Variants in SKOR1 observed in about 807,000 individuals in gnomAD.
The protein encoded by SKOR1 is SKI family transcriptional corepressor 1.
SKOR1 carries 38 observed loss-of-function variants against 72.4 expected under a neutral mutation model. That is an observed-to-expected ratio of 0.52 (90% CI 0.40 to 0.69). SKOR1 has a LOEUF of 0.69. Among genes scored for constraint, SKOR1 ranks in the 30% least tolerant of loss-of-function variants. The pLI is 0.00. For missense variants in SKOR1, 1,320 were observed against 1,343.2 expected (o/e 0.98, Z 0.27); for synonymous variants, 642 against 599.4 (o/e 1.07, Z -1.04).
rs1257077275 is a variant in SKOR1, at chr15:67,827,688, T to C, written c.1860T>C (p.Pro620=). 1.4e-5 allele frequency: 22 copies of C among 1,535,372 alleles called. No homozygotes were observed. The Admixed American group carries it at 2.0e-4, about 14-fold the overall frequency. ...GSAREAYGAG[P]ARGPGPGAGS... Reference sequence around the variant, plus strand: ...CCCGGGAGGCGTACGGCGCGGGGCCTGCTCGGGGGCCGGGACCCGGCGCTG... The same window carrying C: ...CCCGGGAGGCGTACGGCGCGGGGCCCGCTCGGGGGCCGGGACCCGGCGCTG... The change falls in exon 2 of 9, where the codon CCT becomes CCC. Residue 620 remains proline (P), a synonymous_variant. Transcript: ENST00000380035.
At chr15:67,831,911 G>A (rs1305963895) in intron 5 of SKOR1, among the ~76,000 whole-genome samples, 2 of 146,894 alleles carry the variant, frequency 1.4e-5, no homozygotes, top group Non-Finnish European at 3.0e-5. Context: ...TGCGGGGGGG[G>A]GAGGTCGGGG....
Position 67,826,653 on chromosome 15 carries a change from G to A in SKOR1, c.825G>A (p.Thr275=), listed in dbSNP as rs748587604. ...TCAAGGCCATGTTTAATGGCGGCAC[G>A]CGCAAGCGGACCTTCTCCCTACAAG... ...EDVKAMFNGG[T]RKRTFSLQGG... The change falls in exon 2 of 9, where the codon ACG becomes ACA. Residue 275 remains threonine (T), a synonymous_variant. Transcript: ENST00000380035. The A allele has an allele frequency of 1.9e-6, 3 of 1,607,038 alleles. No individual in the cohort carries two copies. In the Admixed American group the frequency reaches 5.1e-5, roughly 27 times the overall value.
At position 67,826,776 on chromosome 15, in the gene SKOR1, G is replaced by T. The variant is rs1463649520; in HGVS notation, c.948G>T (p.Met316Ile). Residue 316 changes from methionine to isoleucine, a missense_variant, in exon 2 of 9, where the codon ATG (methionine) becomes ATT (isoleucine). By Grantham distance (10) the Met-to-Ile change is conservative. Transcript: ENST00000380035. Reference sequence around the variant, plus strand: ...GTGGCCCAGGGTGCGGTGCAGAGATGGCCCCAGGCCCGCCGCCCCACAAAA... The same window carrying T: ...GTGGCCCAGGGTGCGGTGCAGAGATTGCCCCAGGCCCGCCGCCCCACAAAA... ...GGGGPGCGAE[M>I]APGPPPHKSL... 3 of 1,532,238 alleles carry T rather than the reference G, an allele frequency of 2.0e-6. No individual in the cohort carries two copies. The highest frequency in any genetic ancestry group is 2.4e-5 in the South Asian group (2 of 83,958). The allele number at this position is 1,532,238 out of a possible 1,614,324, so 94.9% of individuals were successfully genotyped here. A position where few individuals can be genotyped will look rare whatever the true frequency, so the allele number is the denominator to read the frequency against.
rs2090961225 is a variant in SKOR1 at position 67,826,710 on chromosome 15, G to C, written c.882G>C (p.Ser294=). 3 of 1,547,904 alleles carry C rather than the reference G, an allele frequency of 1.9e-6. No homozygotes were observed. Among genetic ancestry groups the C allele is most frequent in the African/African-American group, 1.4e-5 (1 of 73,274 alleles). Residue 294 remains serine (S), a synonymous_variant, in exon 2 of 9, where the codon TCG becomes TCC. Coordinates refer to ENST00000380035, the MANE Select transcript of SKOR1 (RefSeq NM_001365915.1). The part of the protein sequence containing the change: ...GGGGGGANGG[S]GGQGKGGAGG... ...GCGGAGGCGGTGCCAATGGCGGGTC[G>C]GGTGGGCAGGGGAAGGGTGGTGCTG... is the stretch of plus-strand genomic sequence containing the variant.
At position 67,827,724 on chromosome 15, in the gene SKOR1, C is replaced by A. The variant is rs1302670620; in HGVS notation, c.1896C>A (p.Gly632=). ...CGGGACCCGGCGCTGGGAGCGGCGGCTACGTGAGCCCGGACTTTCTGAGCG... is the reference window on the plus strand; with the variant it reads ...CGGGACCCGGCGCTGGGAGCGGCGGATACGTGAGCCCGGACTTTCTGAGCG... ...RGPGPGAGSG[G]YVSPDFLSEG... The change falls in exon 2 of 9, where the codon GGC becomes GGA. Residue 632 remains glycine (G), a synonymous_variant. Transcript: ENST00000380035. 6.5e-7 allele frequency: 1 copy of A among 1,544,246 alleles called. No individual in the cohort carries two copies. Among genetic ancestry groups the A allele is most frequent in the South Asian group, 1.2e-5 (1 of 83,670 alleles).
At position 67,826,861 on chromosome 15, in the gene SKOR1, C is replaced by A; in HGVS notation, c.1033C>A (p.Gln345Lys). The A allele has an allele frequency of 6.5e-7, 1 of 1,530,844 alleles. No individual in the cohort carries two copies. The highest frequency in any genetic ancestry group is 8.8e-7 in the Non-Finnish European group (1 of 1,142,652). 94.8% of individuals were successfully genotyped at this position (1,530,844 alleles called of 1,614,324 possible). ...TCCGGGGCCACCTCCACCCCACCCG[C>A]AGCGCGGACTTGGCCTGGCGACTGG... ...GPPGPPPPHP[Q>K]RGLGLATGAS... The change falls in exon 2 of 9, where the codon CAG becomes AAG. Residue 345 changes from glutamine to lysine, a missense_variant. Physicochemically the swap from Gln to Lys is moderately conservative, Grantham distance 53. Transcript: ENST00000380035.
In SKOR1 at chr15:67,827,956, A is replaced by C. The variant is rs2090977896; in HGVS notation, c.2128A>C (p.Asn710His). The C allele has an allele frequency of 6.4e-7, 1 of 1,561,652 alleles. No individual in the cohort carries two copies. The highest frequency in any genetic ancestry group is 8.7e-7 in the Non-Finnish European group (1 of 1,155,984). ...ATSSGADGPA[N>H]SPDGGSPRPR... ...CTCCTCTGGCGCGGACGGTCCCGCA[A>C]ACTCTCCCGACGGCGGCAGCCCCCG... Residue 710 changes from asparagine to histidine, a missense_variant, in exon 2 of 9, where the codon AAC becomes CAC. Asn to His is a moderately conservative substitution (Grantham distance 68). Coordinates refer to ENST00000380035, the MANE Select transcript of SKOR1 (RefSeq NM_001365915.1).
Position 67,827,714 on chromosome 15 carries a change from G to A in SKOR1, c.1886G>A (p.Gly629Glu). ...GCTCGGGGGCCGGGACCCGGCGCTG[G>A]GAGCGGCGGCTACGTGAGCCCGGAC... The part of the protein sequence containing the change: ...GPARGPGPGA[G>E]SGGYVSPDFL... Residue 629 changes from glycine to glutamate, a missense_variant, in exon 2 of 9, where the codon GGG (glycine) becomes GAG (glutamate). Gly to Glu is a moderately conservative substitution (Grantham distance 98). Around this residue, in one of 3 missense-constraint regions of SKOR1, gnomAD observed 1,099 missense variants for 1,025.5 expected, o/e 1.07. Transcript: ENST00000380035. The A allele has an allele frequency of 1.9e-6, 3 of 1,542,298 alleles. No homozygotes were observed. In the South Asian group the frequency reaches 3.6e-5, roughly 18 times the overall value.
rs1378126749 is a variant in SKOR1 at position 67,827,704 on chromosome 15, C to A, written c.1876C>A (p.Pro626Thr). The A allele has an allele frequency of 1.3e-6, 2 of 1,539,644 alleles. No homozygotes were observed. The highest frequency in any genetic ancestry group is 2.5e-5 in the East Asian group (1 of 40,704). Residue 626 changes from proline to threonine, a missense_variant, in exon 2 of 9, where the codon CCC becomes ACC. By Grantham distance (38) the Pro-to-Thr change is conservative. Coordinates refer to ENST00000380035, the MANE Select transcript of SKOR1 (RefSeq NM_001365915.1). The part of the protein sequence containing the change: ...YGAGPARGPG[P>T]GAGSGGYVSP... ...CGCGGGGCCTGCTCGGGGGCCGGGA[C>A]CCGGCGCTGGGAGCGGCGGCTACGT...
chr15:67,828,036 G>A lies in SKOR1; in HGVS notation c.2208G>A (p.Leu736=), dbSNP rs1247381937. ...CTGGCCGGCCCGCATTTGGGGACTT[G>A]GCAGCCGAAGACTTGGTGCGGAGAC... The part of the protein sequence containing the change: ...PPAGRPAFGD[L]AAEDLVRRPE... Residue 736 remains leucine (L), a synonymous_variant, in exon 2 of 9, where the codon TTG becomes TTA. Coordinates refer to ENST00000380035, the MANE Select transcript of SKOR1 (RefSeq NM_001365915.1). 3.9e-6 allele frequency: 6 copies of A among 1,539,458 alleles called. No individual in the cohort carries two copies. The highest frequency in any genetic ancestry group is 5.2e-6 in the Non-Finnish European group (6 of 1,144,928).
At position 67,827,832 on chromosome 15, in the gene SKOR1, C is replaced by T. The variant is rs751554995; in HGVS notation, c.2004C>T (p.Phe668=). The change falls in exon 2 of 9, where the codon TTC becomes TTT. Residue 668 remains phenylalanine, a synonymous_variant. Transcript: ENST00000380035. ...AGGTGGACGTGGAATCCAACCGCTT[C>T]CCCGACGACGAGGACGCCCAAGAGG... ...EPEVDVESNR[F]PDDEDAQEET... 5.6e-6 allele frequency: 9 copies of T among 1,594,006 alleles called. No homozygotes were observed. The East Asian group carries it at 1.6e-4, about 28-fold the overall frequency.
intron 3 of SKOR1, 26 bp downstream of exon 3, chr15:67,829,295 A>C: frequency 6.5e-7 from 1 of 1,527,772 alleles, no homozygotes; most frequent in South Asian, 1.2e-5. Flanking sequence ...GCCGCTGGCC[A>C]CTGTAATGGG....
At chr15:67,830,346 G>A in intron 4 of SKOR1, 48 bp downstream of exon 4, 1 of 1,575,854 alleles carries the variant, frequency 6.3e-7, no homozygotes. Context: ...CCAGGAGCTG[G>A]GACCCAGGTC....
rs1480904356 is a variant in SKOR1, at chr15:67,833,986, C to T, written c.*150C>T. ...CCGCCCGCCTTCCTCCCGGGCTCCC[C>T]GGCCTTGCCCGCCCCCTCCCGGGCG... On this transcript the variant is annotated 3_prime_UTR_variant, in exon 9 of 9. Coordinates refer to ENST00000380035, the MANE Select transcript of SKOR1 (RefSeq NM_001365915.1). This position sits in a 1 kb window ranked among gnomAD's most constrained non-coding sequence, Gnocchi z 6.0. 9.4e-6 allele frequency: 8 copies of T among 850,840 alleles called. No homozygotes were observed. The highest frequency in any genetic ancestry group is 4.4e-5 in the South Asian group (3 of 67,916). The allele number at this position is 850,840 out of a possible 1,614,324, so 52.7% of individuals were successfully genotyped here. A position where few individuals can be genotyped will look rare whatever the true frequency, so the allele number is the denominator to read the frequency against.
At position 67,827,702 on chromosome 15, in the gene SKOR1, G is replaced by C. The variant is rs1192450173; in HGVS notation, c.1874G>C (p.Gly625Ala). 25 of 1,539,640 alleles carry C rather than the reference G, an allele frequency of 1.6e-5. No individual in the cohort carries two copies. In the East Asian group the frequency reaches 5.9e-4, roughly 36 times the overall value. ...GGCGCGGGGCCTGCTCGGGGGCCGG[G>C]ACCCGGCGCTGGGAGCGGCGGCTAC... ...AYGAGPARGPGPGAGSGGYVS... is the reference protein window; with the variant it reads ...AYGAGPARGPAPGAGSGGYVS... The change falls in exon 2 of 9, where the codon GGA (glycine) becomes GCA (alanine). Residue 625 changes from glycine to alanine, a missense_variant. Physicochemically the swap from Gly to Ala is moderately conservative, Grantham distance 60 (BLOSUM62 0). Around this residue, in one of 3 missense-constraint regions of SKOR1, gnomAD observed 1,099 missense variants for 1,025.5 expected, o/e 1.07. Transcript: ENST00000380035.
Position 67,827,398 on chromosome 15 carries a change from G to A in SKOR1, c.1570G>A (p.Ala524Thr). ...AGCCGTGGCGGCGGCAGCGGCGGCGGCAGCGGCAGCTGCTGGCAGCGGTGC... is the reference window on the plus strand; with the variant it reads ...AGCCGTGGCGGCGGCAGCGGCGGCGACAGCGGCAGCTGCTGGCAGCGGTGC... The part of the protein sequence containing the change: ...AAAVAAAAAA[A>T]AAAAGSGAPE... The change falls in exon 2 of 9, where the codon GCA becomes ACA. Residue 524 changes from alanine to threonine, a missense_variant. By Grantham distance (58) the Ala-to-Thr change is moderately conservative (BLOSUM62 0). Coordinates refer to ENST00000380035, the MANE Select transcript of SKOR1 (RefSeq NM_001365915.1). 1 of 1,536,010 alleles carries A rather than the reference G, an allele frequency of 6.5e-7. No homozygotes were observed. Among genetic ancestry groups the A allele is most frequent in the Non-Finnish European group, 8.7e-7 (1 of 1,149,274 alleles).
At chr15:67,831,293 A>G (rs1457456907) in intron 5 of SKOR1, among the ~76,000 whole-genome samples, 1 of 152,246 alleles carries the variant, frequency 6.6e-6, no homozygotes, top group Admixed American at 6.5e-5. Context: ...GCAGGAAAGC[A>G]TTTATTTTAG....
rs1420573704 is a variant in SKOR1, at chr15:67,827,715, G to A, written c.1887G>A (p.Gly629=). ...GPARGPGPGA[G]SGGYVSPDFL... ...CTCGGGGGCCGGGACCCGGCGCTGGGAGCGGCGGCTACGTGAGCCCGGACT... is the reference window on the plus strand; with the variant it reads ...CTCGGGGGCCGGGACCCGGCGCTGGAAGCGGCGGCTACGTGAGCCCGGACT... The change falls in exon 2 of 9, where the codon GGG becomes GGA. Residue 629 remains glycine, a synonymous_variant. Coordinates refer to ENST00000380035, the MANE Select transcript of SKOR1 (RefSeq NM_001365915.1). 6.5e-7 allele frequency: 1 copy of A among 1,542,702 alleles called. No individual in the cohort carries two copies. The highest frequency in any genetic ancestry group is 2.0e-5 in the Admixed American group (1 of 50,706).
intron 3 of SKOR1, 64 bp from the exon 4 acceptor site, chr15:67,830,127 G>C: frequency 6.5e-7 from 1 of 1,549,824 alleles, no homozygotes; most frequent in Non-Finnish European, 8.9e-7. Context: ...GACCGCGGCA[G>C]CTCCGGCAGT....
Sources: gnomAD v4.1 joint callset for allele counts (sites outside exome capture counted in the v4.1 genomes callset) on GRCh38, gnomAD v4.1.1 for gene constraint, gnomAD v4.1.1 regional missense constraint, Gnocchi (gnomAD v3.1) non-coding constraint, MANE v1.5 for transcripts, NCBI Gene and HGNC (gene_info 2026-07-23, HGNC 2026-07-21) for gene names.